CHM: variants seen among roughly 807,000 people sequenced by gnomAD.
CHM encodes the protein rab proteins geranylgeranyltransferase component A 1.
CHM carries 10 observed loss-of-function variants against 49.0 expected under a neutral mutation model. The ratio of observed to expected loss-of-function variants is 0.20; its 90% CI spans 0.13 to 0.35. The LOEUF (loss-of-function observed/expected upper bound fraction) is 0.35. Among genes scored for constraint, CHM ranks in the 10% least tolerant of loss-of-function variants. The pLI is 1.00. For synonymous variants in CHM, 184 were observed against 167.5 expected (o/e 1.10, Z -0.76); for missense variants, 455 against 478.4 (o/e 0.95, Z 0.46).
chrX:85,913,364 G>GAA (rs1401036017), intron 8 of CHM, among the ~76,000 whole-genome samples: 66 of 68,288 alleles, frequency 9.7e-4, no homozygotes, highest in African/African-American at 2.8e-3. Flanking sequence ...AAGAAAGAAA[G>GAA]AAAGAAAGAA....
At chrX:85,943,990 A>G (rs1929267621) in intron 8 of CHM, among the ~76,000 whole-genome samples, 1 of 111,936 alleles carries the variant, frequency 8.9e-6, no homozygotes, top group Non-Finnish European at 1.9e-5. Context: ...TGAAGAATCT[A>G]CATCTATAAT....
intron 2 of CHM, among the ~76,000 whole-genome samples, chrX:86,024,513 T>C (rs1366391794): frequency 8.9e-6 from 1 of 112,167 alleles, no homozygotes; most frequent in Non-Finnish European, 1.9e-5. Context: ...CACTGAAGGA[T>C]TTCATGCAGC....
chrX:85,928,500 G>A (rs1233225912), intron 8 of CHM, among the ~76,000 whole-genome samples: 2 of 111,195 alleles, frequency 1.8e-5, no homozygotes, highest in Middle Eastern at 4.2e-3. Context: ...CCGAGATCGC[G>A]CCACTGCACT....
At chrX:85,927,316 A>G (rs1928150866) in intron 8 of CHM, among the ~76,000 whole-genome samples, 1 of 111,888 alleles carries the variant, frequency 8.9e-6, no homozygotes, top group Admixed American at 9.5e-5. Context: ...ATCACCAGCT[A>G]GCTTCACGAT....
In CHM at chrX:85,926,606, T is replaced by G. The variant is rs1928096654; in HGVS notation, c.1167-15268A>C. Among the ~76,000 whole-genome samples the G allele has an allele frequency of 3.6e-5, 4 of 111,375 alleles. No homozygotes were observed. In the South Asian group the frequency reaches 1.5e-3, roughly 42 times the overall value. ...AAAAAAGAAAAAAACTATAGAATAC[T>G]ATATATTTCCTCTGATGAGAAAAAA... On this transcript the variant is annotated intron_variant, in intron 8 of 14. Transcript: ENST00000357749.
chrX:86,037,823 T>G lies in CHM; in HGVS notation c.49+9661A>C, dbSNP rs974276943. Among the ~76,000 whole-genome samples, 12 of 111,390 alleles carry G rather than the reference T, an allele frequency of 1.1e-4. No homozygotes were observed. The Admixed American group carries it at 1.1e-3, about 11-fold the overall frequency. On this transcript the variant is annotated intron_variant, in intron 1 of 14. Transcript: ENST00000357749. Reference sequence around the variant, plus strand: ...ACCAAAAAAGGTATTATCATATCCATCCTATCAATTAAGATGCATGATGTA... The same window carrying G: ...ACCAAAAAAGGTATTATCATATCCAGCCTATCAATTAAGATGCATGATGTA...
chrX:86,041,724 GTGTATATA>G (rs1165064606), intron 1 of CHM, among the ~76,000 whole-genome samples: 1 of 45,804 alleles, frequency 2.2e-5, no homozygotes, highest in East Asian at 6.8e-4. Flanking sequence ...TATGGTGTGT[GTGTATATA>G]TATATATATA....
At chrX:85,972,409 G>A (rs753734459) in intron 4 of CHM, among the ~76,000 whole-genome samples, 1 of 113,336 alleles carries the variant, frequency 8.8e-6, no homozygotes, top group East Asian at 2.8e-4. Flanking sequence ...TGGAGCAGGG[G>A]GCGGCATTTG....
intron 8 of CHM, among the ~76,000 whole-genome samples, chrX:85,915,314 G>A (rs1044369739): frequency 3.6e-5 from 4 of 111,756 alleles, no homozygotes; most frequent in Non-Finnish European, 7.5e-5. Flanking sequence ...AAAATAATAA[G>A]AGCCATCTAT....
intron 2 of CHM, among the ~76,000 whole-genome samples, chrX:86,004,244 C>A (rs1232631717): frequency 2.5e-4 from 28 of 111,866 alleles, no homozygotes; most frequent in African/African-American, 9.1e-4. Flanking sequence ...GCCTGCCTTA[C>A]AAGAGCTCCT....
In CHM at chrX:85,879,026, T is replaced by C; in HGVS notation, c.1548A>G (p.Ala516=). The change falls in exon 13 of 15, where the codon GCA becomes GCG. Residue 516 remains alanine (A), a synonymous_variant. Transcript: ENST00000357749. ...GCACAACTGATTCTAAATCTTCTCT[T>C]GCTGTTTTAGAAGATGTGCAAGTCA... The part of the protein sequence containing the change: ...VHLTCTSSKT[A]REDLESVVQK... 8.3e-7 allele frequency: 1 copy of C among 1,204,289 alleles called. No homozygotes were observed. Among genetic ancestry groups the C allele is most frequent in the Non-Finnish European group, 1.1e-6 (1 of 890,034 alleles).
At chrX:85,900,257 C>T (rs1286824830) in intron 11 of CHM, among the ~76,000 whole-genome samples, 1 of 111,457 alleles carries the variant, frequency 9.0e-6, no homozygotes, top group Non-Finnish European at 1.9e-5. Context: ...GTGAAAGAAG[C>T]CAGACACAAA....
chrX:86,047,471 A>G lies in CHM; in HGVS notation c.49+13T>C. 1 of 1,204,197 alleles carries G rather than the reference A, an allele frequency of 8.3e-7. No homozygotes were observed. Among genetic ancestry groups the G allele is most frequent in the Non-Finnish European group, 1.1e-6 (1 of 888,792 alleles). ...TCCTAAACTTTGTCCAGGAAGCACC[A>G]GGCTACACATACCCGTCCCTATTAC... On this transcript the variant is annotated intron_variant, in intron 1 of 14. Coordinates refer to ENST00000357749, the MANE Select transcript of CHM (RefSeq NM_000390.4).
At chrX:85,982,722 G>C (rs899828509) in intron 2 of CHM, among the ~76,000 whole-genome samples, 9 of 111,992 alleles carry the variant, frequency 8.0e-5, no homozygotes, top group African/African-American at 2.9e-4. Flanking sequence ...TTCTGGTTGG[G>C]AGGGATTCTT....
chrX:85,966,404 T>G (rs1324273028), intron 4 of CHM, among the ~76,000 whole-genome samples: 16 of 108,351 alleles, frequency 1.5e-4, no homozygotes, highest in Admixed American at 9.9e-5. Context: ...TGCCCACAGC[T>G]CAACAGTCAA....
chrX:85,960,830 A>G (rs1212519110), intron 5 of CHM, among the ~76,000 whole-genome samples: 2 of 111,445 alleles, frequency 1.8e-5, no homozygotes, highest in Admixed American at 9.6e-5. Context: ...ATTAATTAAC[A>G]ATTTTTCCTT....
chrX:85,927,102 TTTC>T (rs1443472282), intron 8 of CHM, among the ~76,000 whole-genome samples: 1 of 112,202 alleles, frequency 8.9e-6, no homozygotes, highest in Non-Finnish European at 1.9e-5. Flanking sequence ...TAAGCATGGT[TTTC>T]TTTTGTAAAA....
At position 85,965,315 on chromosome X, in the gene CHM, C is replaced by T. The variant is rs777068367; in HGVS notation, c.315-1263G>A. ...ATTAGTCTTCCTTACTCCAATTACA[C>T]TCATCACTCTATTATACCATGCTCC... On this transcript the variant is annotated intron_variant, in intron 4 of 14. Transcript: ENST00000357749. Among the ~76,000 whole-genome samples the T allele has an allele frequency of 1.7e-4, 19 of 112,205 alleles. No homozygotes were observed. In the East Asian group the frequency reaches 3.9e-3, roughly 23 times the overall value.
At chrX:85,906,643 T>C (rs1421092480) in intron 9 of CHM, among the ~76,000 whole-genome samples, 1 of 111,740 alleles carries the variant, frequency 8.9e-6, no homozygotes. Flanking sequence ...GCAAGGTCCA[T>C]GTTTCATTCA....
Sources: gnomAD v4.1 joint callset for allele counts (sites outside exome capture counted in the v4.1 genomes callset) on GRCh38, gnomAD v4.1.1 for gene constraint, MANE v1.5 for transcripts, NCBI Gene and HGNC (gene_info 2026-07-23, HGNC 2026-07-21) for gene names.